The following MEGF11 variants were observed in gnomAD, a reference collection of about 807,000 sequenced individuals.
MEGF11 encodes multiple EGF like domains 11, also known as multiple epidermal growth factor-like domains protein 11.
In MEGF11, 126 loss-of-function variants were observed where a neutral mutation model predicts 146.6. The observed-to-expected ratio is 0.86, with a 90% CI of 0.74 to 1.00. The LOEUF is 1.00. Ranked by LOEUF, MEGF11 falls within the 50% of genes least tolerant of loss-of-function variation. The pLI, the probability that MEGF11 is intolerant of heterozygous loss-of-function variation, is 0.00. For synonymous variants in MEGF11, 532 were observed against 583.4 expected (o/e 0.91, Z 1.27); for missense variants, 1,509 against 1,521.2 (o/e 0.99, Z 0.13).
At chr15:66,204,261 A>C (rs769598077) in intron 1 of MEGF11, among the ~76,000 whole-genome samples, 4 of 151,840 alleles carry the variant, frequency 2.6e-5, no homozygotes, top group Non-Finnish European at 4.4e-5. Context: ...AATTAGCCAC[A>C]TGTTGGGGCA....
At chr15:65,916,498 G>A in intron 17 of MEGF11, 4 of 673,360 alleles carry the variant, frequency 5.9e-6, no homozygotes, top group Non-Finnish European at 9.9e-6. Flanking sequence ...GGAACCACAG[G>A]TCAGGCTAGG....
intron 10 of MEGF11, among the ~76,000 whole-genome samples, chr15:65,932,605 G>C (rs2079618288): frequency 6.6e-6 from 1 of 152,060 alleles, no homozygotes; most frequent in Non-Finnish European, 1.5e-5. Flanking sequence ...AGCTGGGAAT[G>C]TGCTAGGGGT....
At position 65,928,534 on chromosome 15, in the gene MEGF11, A is replaced by T; in HGVS notation, c.1573-7T>A. 3.8e-6 allele frequency: 6 copies of T among 1,580,534 alleles called. No individual in the cohort carries two copies. Among genetic ancestry groups the T allele is most frequent in the Non-Finnish European group, 5.2e-6 (6 of 1,158,062 alleles). On this transcript the variant is annotated splice_region_variant and splice_polypyrimidine_tract_variant and intron_variant, in intron 12 of 25. Coordinates refer to ENST00000395614, the MANE Select transcript of MEGF11 (RefSeq NM_001385028.1). The stretch of plus-strand genomic sequence containing the variant: ...TCAGCCCAAATGTGCCATCCTGTGG[A>T]GAAGACAGGGAGAGAAAAATGATCA...
At chr15:66,221,405 T>C (rs1286225545) in intron 1 of MEGF11, among the ~76,000 whole-genome samples, 1 of 152,032 alleles carries the variant, frequency 6.6e-6, no homozygotes, top group African/African-American at 2.4e-5. Context: ...CAAGCATCCC[T>C]CCTTCCACTG....
chr15:65,940,058 T>C (rs910316519), intron 10 of MEGF11, among the ~76,000 whole-genome samples: 5 of 152,148 alleles, frequency 3.3e-5, no homozygotes, highest in African/African-American at 9.7e-5. Context: ...GGGAGTGGAA[T>C]AGAGCTTGTC....
At chr15:66,100,025 C>A (rs1015961699) in intron 4 of MEGF11, among the ~76,000 whole-genome samples, 2 of 152,152 alleles carry the variant, frequency 1.3e-5, no homozygotes, top group Admixed American at 6.5e-5. Flanking sequence ...TGAAAGGAGG[C>A]CCCAGTCCCA....
At chr15:66,241,370 G>C (rs56841180) in intron 1 of MEGF11, among the ~76,000 whole-genome samples, 5,713 of 152,288 alleles carry the variant, frequency 0.038, 355 homozygotes, top group African/African-American at 0.13. Context: ...GAATAAAACA[G>C]AGAAAAATTC....
intron 3 of MEGF11, 112 bp downstream of exon 3, chr15:66,123,787 G>T: frequency 1.2e-6 from 1 of 806,902 alleles, no homozygotes; most frequent in Non-Finnish European, 2.1e-6. Context: ...GGTGTTCAGA[G>T]TGGAGGCGCG....
At chr15:65,942,168 C>T (rs2080017710) in intron 10 of MEGF11, among the ~76,000 whole-genome samples, 1 of 152,178 alleles carries the variant, frequency 6.6e-6, no homozygotes, top group East Asian at 1.9e-4. Flanking sequence ...AGTTCTCTCC[C>T]CTAGACCAGG....
In MEGF11 at chr15:65,898,002, C is replaced by T; in HGVS notation, c.3355G>A (p.Gly1119Ser). ...YDLPRNSHIP[G>S]HYDLLPVRQS... ...CTTACTGGGAGGAGGTCATAATGACCAGGAATATGGCTGTTCCTAGGTAGG... is the reference window on the plus strand; with the variant it reads ...CTTACTGGGAGGAGGTCATAATGACTAGGAATATGGCTGTTCCTAGGTAGG... Residue 1119 changes from glycine (G) to serine (S), a missense_variant, in exon 26 of 26, where the codon GGT (glycine) becomes AGT (serine). Gly to Ser is a moderately conservative substitution (Grantham distance 56, BLOSUM62 0). Transcript: ENST00000395614. 1 of 1,613,992 alleles carries T rather than the reference C, an allele frequency of 6.2e-7. No homozygotes were observed. The highest frequency in any genetic ancestry group is 8.5e-7 in the Non-Finnish European group (1 of 1,179,854).
At chr15:65,911,488 G>A (rs1015678679) in intron 21 of MEGF11, among the ~76,000 whole-genome samples, 1 of 152,078 alleles carries the variant, frequency 6.6e-6, no homozygotes, top group Non-Finnish European at 1.5e-5. Flanking sequence ...CTCAGCTCAC[G>A]GCAGCCTCCA....
chr15:66,054,528 C>T lies in MEGF11; in HGVS notation c.394+39874G>A, dbSNP rs140293857. Among the ~76,000 whole-genome samples the T allele has an allele frequency of 2.7e-3, 405 of 152,320 alleles. 5 individuals are homozygous for T. The highest frequency in any genetic ancestry group is 0.019 in the East Asian group (97 of 5,188). On this transcript the variant is annotated intron_variant, in intron 5 of 25. Transcript: ENST00000395614. The stretch of plus-strand genomic sequence containing the variant: ...CTTCTTCACTTGGCAAACTCTAACT[C>T]GGTCTTTAAAAATCACCTCCAGGGG...
chr15:66,013,844 C>T (rs1166116834), intron 5 of MEGF11, among the ~76,000 whole-genome samples: 1 of 152,206 alleles, frequency 6.6e-6, no homozygotes, highest in Non-Finnish European at 1.5e-5. Context: ...CAGTTGGATA[C>T]AGGCTGACTT....
chr15:66,157,667 T>G (rs2089812217), intron 1 of MEGF11, among the ~76,000 whole-genome samples: 1 of 152,238 alleles, frequency 6.6e-6, no homozygotes, highest in Non-Finnish European at 1.5e-5. Context: ...GCACCTGTCC[T>G]GCAGACGCCT....
chr15:66,119,210 C>T, intron 3 of MEGF11, 24 bp from the exon 4 acceptor site: 1 of 1,486,740 alleles, frequency 6.7e-7, no homozygotes, highest in Non-Finnish European at 9.2e-7. Flanking sequence ...GAGAAAGCCA[C>T]TTGAAAGTAT....
chr15:65,932,006 C>G (rs895222716), intron 10 of MEGF11, among the ~76,000 whole-genome samples: 4 of 152,184 alleles, frequency 2.6e-5, no homozygotes, highest in African/African-American at 4.8e-5. Context: ...ACCGGGGATC[C>G]TAAACTGGCT....
chr15:65,963,510 G>A lies in MEGF11; in HGVS notation c.1112+1398C>T, dbSNP rs572051671. On this transcript the variant is annotated intron_variant, in intron 9 of 25. Transcript: ENST00000395614. ...ATATTGGCTATACAATCAATGGTAT[G>A]TCATGGTTCAGTTGATAGAATTTTC... 2.6e-5 allele frequency among the ~76,000 whole-genome samples: 4 copies of A among 151,346 alleles called. No homozygotes were observed. The South Asian group carries it at 6.2e-4, about 24-fold the overall frequency.
chr15:65,971,620 G>T (rs1468989873), intron 7 of MEGF11, among the ~76,000 whole-genome samples: 2 of 152,098 alleles, frequency 1.3e-5, no homozygotes, highest in Non-Finnish European at 2.9e-5. Flanking sequence ...GAGGTTGGAG[G>T]GTTCCTTTCT....
intron 5 of MEGF11, among the ~76,000 whole-genome samples, chr15:66,093,706 T>C (rs1456305318): frequency 2.6e-5 from 4 of 152,134 alleles, no homozygotes; most frequent in African/African-American, 7.2e-5. Flanking sequence ...TTCATCTGGG[T>C]TCTTGGCAGA....
Sources: allele counts gnomAD v4.1 joint callset (sites outside exome capture counted in the v4.1 genomes callset), GRCh38; gene constraint gnomAD v4.1.1; transcripts MANE v1.5; gene names NCBI Gene and HGNC (gene_info 2026-07-23, HGNC 2026-07-21).